Variants in RAB38 observed in about 807,000 individuals in gnomAD.
RAB38 encodes RAB38, member RAS oncogene family.
A neutral mutation model predicts 18.4 loss-of-function variants in RAB38; 15 were observed. The ratio of observed to expected loss-of-function variants is 0.82; its 90% CI spans 0.55 to 1.26. RAB38 has a LOEUF of 1.26. Ranked by LOEUF, RAB38 falls within the 50% of genes most tolerant of loss-of-function variation. RAB38 has a pLI of 0.00. For synonymous variants in RAB38, 101 were observed against 104.4 expected, an observed-to-expected ratio of 0.97 and a Z score of 0.20; for missense variants, 294 against 267.4, an observed-to-expected ratio of 1.10 and a Z score of -0.69.
chr11:87,851,500 A>T, the RAB38 span, among the ~76,000 whole-genome samples: 1 of 152,170 alleles, frequency 6.6e-6, no homozygotes, highest in Non-Finnish European at 1.5e-5. Context: ...AACTGTTTTC[A>T]TTGCTGTTTG....
the RAB38 span, among the ~76,000 whole-genome samples, chr11:88,003,840 ATTT>A: frequency 0.097 from 923 of 9,550 alleles, 426 homozygotes; most frequent in South Asian, 0.33. Context: ...TATAATATAT[ATTT>A]ATATATATAA....
the RAB38 span, among the ~76,000 whole-genome samples, chr11:87,819,645 GTTAGGATCT>G: frequency 6.7e-6 from 1 of 149,642 alleles, no homozygotes; most frequent in Admixed American, 6.7e-5. Flanking sequence ...TGAATTACAA[GTTAGGATCT>G]CTTGGATATA....
chr11:87,872,406 C>T, the RAB38 span, among the ~76,000 whole-genome samples: 1 of 151,538 alleles, frequency 6.6e-6, no homozygotes, highest in African/African-American at 2.4e-5. Context: ...CAACATCCTG[C>T]ACCTGGGTAG....
At chr11:88,023,447 C>G in the RAB38 span, among the ~76,000 whole-genome samples, 1 of 151,338 alleles carries the variant, frequency 6.6e-6, no homozygotes, top group Non-Finnish European at 1.5e-5. Context: ...CTGGAAGAAT[C>G]AATGTTGTTA....
At chr11:87,908,243 G>A in the RAB38 span, among the ~76,000 whole-genome samples, 1 of 151,894 alleles carries the variant, frequency 6.6e-6, no homozygotes, top group Non-Finnish European at 1.5e-5. Context: ...GCCCTGTTAT[G>A]AAGCAGACCT....
the RAB38 span, among the ~76,000 whole-genome samples, chr11:87,831,389 C>G: frequency 6.6e-6 from 1 of 152,128 alleles, no homozygotes; most frequent in Admixed American, 6.5e-5. Flanking sequence ...GTGGAATAGA[C>G]TAAATAAGTG....
chr11:88,146,824 G>C (rs1345929071), intron 2 of RAB38, among the ~76,000 whole-genome samples: 1 of 152,086 alleles, frequency 6.6e-6, no homozygotes, highest in African/African-American at 2.4e-5. Flanking sequence ...TTTACAATAA[G>C]GCCTTGTACT....
At chr11:87,866,544 T>C in the RAB38 span, among the ~76,000 whole-genome samples, 1 of 151,782 alleles carries the variant, frequency 6.6e-6, no homozygotes, top group East Asian at 1.9e-4. Flanking sequence ...TCTGGAGTCT[T>C]GGCTCTGCCT....
the RAB38 span, among the ~76,000 whole-genome samples, chr11:88,104,195 G>A: frequency 1.3e-5 from 2 of 152,042 alleles, no homozygotes; most frequent in African/African-American, 2.4e-5. Flanking sequence ...TAGAAGTGGC[G>A]GCTTTTCCCG....
At chr11:87,888,581 G>A in the RAB38 span, among the ~76,000 whole-genome samples, 3 of 151,984 alleles carry the variant, frequency 2.0e-5, no homozygotes, top group Admixed American at 2.0e-4. Flanking sequence ...CATCATTTAT[G>A]TACTAATCTG....
chr11:87,851,790 C>T, the RAB38 span, among the ~76,000 whole-genome samples: 1 of 152,114 alleles, frequency 6.6e-6, no homozygotes, highest in African/African-American at 2.4e-5. Context: ...AAGTGGTTGG[C>T]TGAGCTCTGA....
In RAB38 at chr11:88,132,582, C is replaced by T. The variant is rs145179789; in HGVS notation, c.483+17093G>A. On this transcript the variant is annotated intron_variant, in intron 2 of 2. Transcript: ENST00000243662. Reference sequence around the variant, plus strand: ...AAGTGATTCTCCTGCCTCAGCCTCACGAGTAGCTGGGATTACAAGCATGCG... The same window carrying T: ...AAGTGATTCTCCTGCCTCAGCCTCATGAGTAGCTGGGATTACAAGCATGCG... Among the ~76,000 whole-genome samples the T allele has an allele frequency of 2.0e-4, 30 of 152,266 alleles. 1 individual carries two copies. The East Asian group carries it at 3.5e-3, about 18-fold the overall frequency.
At chr11:88,012,683 A>G in the RAB38 span, among the ~76,000 whole-genome samples, 1 of 152,138 alleles carries the variant, frequency 6.6e-6, no homozygotes, top group African/African-American at 2.4e-5. Flanking sequence ...TAGGACAGCA[A>G]TAAGCCTCTG....
chr11:88,064,301 CA>C, the RAB38 span, among the ~76,000 whole-genome samples: 6 of 152,294 alleles, frequency 3.9e-5, no homozygotes, highest in South Asian at 1.2e-3. Context: ...ACTGGACAAA[CA>C]GGAAGATAAC....
At chr11:88,034,157 C>T in the RAB38 span, among the ~76,000 whole-genome samples, 1 of 152,102 alleles carries the variant, frequency 6.6e-6, no homozygotes, top group Non-Finnish European at 1.5e-5. Context: ...CTGTATGTAA[C>T]CATTTGGGAT....
At chr11:87,949,341 A>C in the RAB38 span, among the ~76,000 whole-genome samples, 26 of 152,134 alleles carry the variant, frequency 1.7e-4, no homozygotes, top group African/African-American at 3.9e-4. Context: ...AAAAAACCAG[A>C]TCCTGGATTC....
the RAB38 span, among the ~76,000 whole-genome samples, chr11:87,898,458 G>C: frequency 6.7e-6 from 1 of 150,344 alleles, no homozygotes; most frequent in Non-Finnish European, 1.5e-5. Flanking sequence ...TTTCACATTT[G>C]CTTTTGCTTT....
chr11:88,043,730 C>T, the RAB38 span, among the ~76,000 whole-genome samples: 3 of 152,186 alleles, frequency 2.0e-5, no homozygotes, highest in Admixed American at 1.3e-4. Context: ...CCGCCTGCAC[C>T]CAGGTGAAAT....
chr11:87,872,501 C>T, the RAB38 span, among the ~76,000 whole-genome samples: 2,040 of 151,470 alleles, frequency 0.013, 44 homozygotes, highest in African/African-American at 0.047. Context: ...TCTTAATTTA[C>T]GTTCTATGGG....
Sources: allele counts gnomAD v4.1 joint callset (sites outside exome capture counted in the v4.1 genomes callset), GRCh38; gene constraint gnomAD v4.1.1; transcripts MANE v1.5; gene names NCBI Gene and HGNC (gene_info 2026-07-23, HGNC 2026-07-21).